The following IGSF21 variants were observed in gnomAD, a reference collection of about 807,000 sequenced individuals.
IGSF21 encodes the protein immunoglobulin superfamily member 21.
IGSF21 carries 28 observed loss-of-function variants against 46.8 expected under a neutral mutation model. The observed-to-expected ratio is 0.60, with a 90% CI of 0.44 to 0.82. The LOEUF (loss-of-function observed/expected upper bound fraction) is 0.82, where lower values mean the gene tolerates loss of function less well. IGSF21 is among the 40% of genes least tolerant of loss of function. IGSF21 has a pLI of 0.00. For missense variants in IGSF21, 624 were observed against 665.5 expected (o/e 0.94, Z 0.69); for synonymous variants, 284 against 273.6 (o/e 1.04, Z -0.38).
chr1:18,293,655 A>C (rs1342955895), intron 3 of IGSF21, among the ~76,000 whole-genome samples: 1 of 152,214 alleles, frequency 6.6e-6, no homozygotes, highest in Admixed American at 6.5e-5. Flanking sequence ...AAAGGAGATA[A>C]AAATTCATTT....
At chr1:18,149,088 T>C (rs2086496886) in intron 1 of IGSF21, among the ~76,000 whole-genome samples, 1 of 152,170 alleles carries the variant, frequency 6.6e-6, no homozygotes, top group Non-Finnish European at 1.5e-5. Context: ...GTCTGCATGC[T>C]CCGTAGTACT....
chr1:18,277,950 G>T (rs768013316), intron 2 of IGSF21, among the ~76,000 whole-genome samples: 6 of 152,174 alleles, frequency 3.9e-5, no homozygotes, highest in Non-Finnish European at 5.9e-5. Context: ...TTACACTGGT[G>T]CACGCATTTG....
chr1:18,208,404 G>A, intron 1 of IGSF21, among the ~76,000 whole-genome samples: 1 of 28,236 alleles, frequency 3.5e-5, no homozygotes, highest in East Asian at 7.8e-4. Context: ...TATTTTTTGA[G>A]ACGGAGTCTT....
intron 2 of IGSF21, among the ~76,000 whole-genome samples, chr1:18,284,310 C>T (rs2085191734): frequency 6.6e-6 from 1 of 152,204 alleles, no homozygotes; most frequent in Admixed American, 6.5e-5. Flanking sequence ...CCTTCACTGA[C>T]TCATTGGTTC....
chr1:18,362,545 A>C (rs1243109492), intron 5 of IGSF21, among the ~76,000 whole-genome samples: 1 of 152,198 alleles, frequency 6.6e-6, no homozygotes, highest in Admixed American at 6.5e-5. Flanking sequence ...ATTGAGTCCC[A>C]CGGAGACAAA....
intron 3 of IGSF21, among the ~76,000 whole-genome samples, chr1:18,298,273 T>G (rs2085330510): frequency 6.6e-6 from 1 of 152,086 alleles, no homozygotes; most frequent in South Asian, 2.1e-4. Context: ...GGGTTGGAAG[T>G]GCCAGGGAAC....
chr1:18,294,702 G>A (rs915648091), intron 3 of IGSF21, among the ~76,000 whole-genome samples: 14 of 152,334 alleles, frequency 9.2e-5, no homozygotes, highest in East Asian at 1.9e-4. Context: ...TCAGTAACAG[G>A]GGCGGTCTCC....
chr1:18,201,650 A>C (rs9725340), intron 1 of IGSF21, among the ~76,000 whole-genome samples: 148,292 of 152,184 alleles, frequency 0.97, 72,371 homozygotes, highest in East Asian at 1. Flanking sequence ...TCTCCCTTCT[A>C]AGGGAAATAG....
intron 3 of IGSF21, among the ~76,000 whole-genome samples, chr1:18,329,188 T>C (rs866431997): frequency 6.8e-6 from 1 of 146,980 alleles, no homozygotes. Flanking sequence ...CCATCTGGCT[T>C]GAATTCAAAT....
chr1:18,206,582 T>A (rs1167412359), intron 1 of IGSF21, among the ~76,000 whole-genome samples: 1 of 148,912 alleles, frequency 6.7e-6, no homozygotes, highest in African/African-American at 2.5e-5. Context: ...TCTAGGAAGA[T>A]GGAACAGTAA....
chr1:18,377,593 G>A (rs149975174), intron 9 of IGSF21, among the ~76,000 whole-genome samples, 162 bp downstream of exon 9: 31 of 152,264 alleles, frequency 2.0e-4, no homozygotes, highest in African/African-American at 7.2e-4. Context: ...TCCAAAGTGG[G>A]CAGAGGTGGG....
chr1:18,144,805 G>C (rs912169056), intron 1 of IGSF21, among the ~76,000 whole-genome samples: 3 of 152,090 alleles, frequency 2.0e-5, no homozygotes, highest in Non-Finnish European at 4.4e-5. Flanking sequence ...TTCCTGCTGG[G>C]GCCCTTGTTC....
intron 1 of IGSF21, among the ~76,000 whole-genome samples, chr1:18,163,339 G>C (rs927474742): frequency 1.3e-5 from 2 of 152,176 alleles, no homozygotes; most frequent in African/African-American, 4.8e-5. Flanking sequence ...TGGCAGATGG[G>C]GTGGTGGACA....
chr1:18,160,901 C>T (rs562775670), intron 1 of IGSF21, among the ~76,000 whole-genome samples: 27 of 152,204 alleles, frequency 1.8e-4, no homozygotes, highest in Admixed American at 1.2e-3. Context: ...TGGTGGTGGC[C>T]GTTCCTGGAG....
chr1:18,188,767 T>A (rs1342993027), intron 1 of IGSF21, among the ~76,000 whole-genome samples: 1 of 152,196 alleles, frequency 6.6e-6, no homozygotes, highest in South Asian at 2.1e-4. Flanking sequence ...ACATGGAAAT[T>A]GAGGCACAGA....
chr1:18,145,994 C>T (rs1457726334), intron 1 of IGSF21, among the ~76,000 whole-genome samples: 1 of 152,086 alleles, frequency 6.6e-6, no homozygotes, highest in Non-Finnish European at 1.5e-5. Flanking sequence ...TCTGCTGGGA[C>T]AGTGAATGAA....
At chr1:18,327,546 A>G (rs534640420) in intron 3 of IGSF21, among the ~76,000 whole-genome samples, 1 of 152,338 alleles carries the variant, frequency 6.6e-6, no homozygotes, top group Non-Finnish European at 1.5e-5. Flanking sequence ...ACGAAATGCG[A>G]TGCTGTTCAG....
At chr1:18,250,495 C>A (rs1373198987) in intron 2 of IGSF21, among the ~76,000 whole-genome samples, 1 of 152,162 alleles carries the variant, frequency 6.6e-6, no homozygotes, top group Non-Finnish European at 1.5e-5. Context: ...ACCTGGCCAC[C>A]CACCCGTCAC....
At chr1:18,172,910 G>T (rs2086753552) in intron 1 of IGSF21, among the ~76,000 whole-genome samples, 2 of 142,632 alleles carry the variant, frequency 1.4e-5, no homozygotes, top group South Asian at 4.2e-4. Context: ...ATCCCCTCTG[G>T]TGTGTGTGTG....
Sources: allele counts gnomAD v4.1 joint callset (sites outside exome capture counted in the v4.1 genomes callset), GRCh38; gene constraint gnomAD v4.1.1; transcripts MANE v1.5; gene names NCBI Gene and HGNC (gene_info 2026-07-23, HGNC 2026-07-21).